The following TRIM27 variants were observed in gnomAD, a reference collection of about 807,000 sequenced individuals.
TRIM27 encodes the protein tripartite motif containing 27, also known as zinc finger protein RFP.
TRIM27 carries 12 observed loss-of-function variants against 57.6 expected under a neutral mutation model. The ratio of observed to expected loss-of-function variants is 0.21; its 90% confidence interval spans 0.13 to 0.34. The LOEUF (loss-of-function observed/expected upper bound fraction) is 0.34, where lower values mean the gene tolerates loss of function less well. Among genes scored for constraint, TRIM27 ranks in the 10% least tolerant of loss-of-function variants. The pLI is 1.00. For synonymous variants in TRIM27, 266 were observed against 259.0 expected (o/e 1.03, Z -0.26); for missense variants, 403 against 656.8 (o/e 0.61, Z 4.22).
rs577993208 is a variant in TRIM27, at chr6:28,909,600, C to T, written c.771-512G>A. On this transcript the variant is annotated intron_variant, in intron 4 of 7. Coordinates refer to ENST00000377199, the MANE Select transcript of TRIM27 (RefSeq NM_006510.5). Reference sequence around the variant, plus strand: ...CTCATACCCCCCAAAGCACCTAGCTCACAGCTTTTCAAATACTAAGTACTC... The same window carrying T: ...CTCATACCCCCCAAAGCACCTAGCTTACAGCTTTTCAAATACTAAGTACTC... Among the ~76,000 whole-genome samples, 5 of 152,322 alleles carry T rather than the reference C, an allele frequency of 3.3e-5. No homozygotes were observed. In the East Asian group the frequency reaches 9.6e-4, roughly 29 times the overall value.
Position 28,909,016 on chromosome 6 carries a change from G to T in TRIM27, c.843C>A (p.Ala281=). The T allele has an allele frequency of 6.2e-7, 1 of 1,613,884 alleles. No individual in the cohort carries two copies. Among genetic ancestry groups the T allele is most frequent in the South Asian group, 1.1e-5 (1 of 91,050 alleles). The change falls in exon 5 of 8, where the codon GCC becomes GCA. Residue 281 remains alanine, a synonymous_variant. Transcript: ENST00000377199. ...PDLQEKIHIF[A]QKCLFLTESL... is the part of the protein sequence containing the mutation. The stretch of plus-strand genomic sequence containing the variant: ...TCTCCGTCAAGAATAGACATTTTTG[G>T]GCAAAAATGTGGATTTTCTCTTGCA...
intron 3 of TRIM27, chr6:28,914,956 G>A (rs1773494004): frequency 6.6e-6 from 1 of 151,624 alleles, no homozygotes; most frequent in Admixed American, 6.6e-5. Flanking sequence ...CTGCTATCTG[G>A]CATATGAAGG....
At chr6:28,914,463 A>G (rs1773452615) in intron 3 of TRIM27, among the ~76,000 whole-genome samples, 1 of 150,982 alleles carries the variant, frequency 6.6e-6, no homozygotes, top group South Asian at 2.1e-4. Flanking sequence ...ACATAATAAT[A>G]TGTGCTTATT....
At position 28,923,868 on chromosome 6, in the gene TRIM27, G is replaced by A. The variant is rs1774269613; in HGVS notation, c.-236C>T. The A allele has an allele frequency of 3.9e-6, 2 of 514,406 alleles. No individual in the cohort carries two copies. Among genetic ancestry groups the A allele is most frequent in the Non-Finnish European group, 6.8e-6 (2 of 295,642 alleles). 31.9% of individuals were successfully genotyped at this position (514,406 alleles called of 1,614,324 possible). A position where few individuals can be genotyped will look rare whatever the true frequency, so the allele number is the denominator to read the frequency against. On this transcript the variant is annotated 5_prime_UTR_variant, in exon 1 of 8. Transcript: ENST00000377199. Reference sequence around the variant, plus strand: ...AGCGGGAATACGGCCGGCTCACCGAGGCTCGCGGCCACGCTAGTGGGGCAG... The same window carrying A: ...AGCGGGAATACGGCCGGCTCACCGAAGCTCGCGGCCACGCTAGTGGGGCAG...
intron 4 of TRIM27, among the ~76,000 whole-genome samples, chr6:28,910,310 C>A (rs1231840444): frequency 6.7e-6 from 1 of 148,454 alleles, no homozygotes; most frequent in Non-Finnish European, 1.5e-5. Context: ...TAGCCACAGA[C>A]TACCTACCTG....
Position 28,923,560 on chromosome 6 carries a change from C to G in TRIM27, c.73G>C (p.Glu25Gln). 6.2e-7 allele frequency: 1 copy of G among 1,610,686 alleles called. No homozygotes were observed. Among genetic ancestry groups the G allele is most frequent in the Non-Finnish European group, 8.5e-7 (1 of 1,179,042 alleles). The change falls in exon 1 of 8, where the codon GAG becomes CAG. Residue 25 changes from glutamate to glutamine, a missense_variant. Coordinates refer to ENST00000377199, the MANE Select transcript of TRIM27 (RefSeq NM_006510.5). ...TGGCCGCAGTCGAGCATCATGGGCT[C>G]TGCGAAGTACTGCAGGCACACGGGG... is the stretch of plus-strand genomic sequence containing the variant. The part of the protein sequence containing the change: ...TCPVCLQYFA[E>Q]PMMLDCGHNI...
chr6:28,904,643 G>A lies in TRIM27; in HGVS notation c.969C>T (p.Asp323=). The change falls in exon 8 of 8, where the codon GAC becomes GAT. Residue 323 remains aspartate, a synonymous_variant. Coordinates refer to ENST00000377199, the MANE Select transcript of TRIM27 (RefSeq NM_006510.5). This position sits in a 1 kb window ranked among gnomAD's most constrained non-coding sequence, Gnocchi z 6.1. ...LYSVDVTLDP[D]TAYPSLILSD... ...AGAGGATCAGGCTGGGGTAGGCCGT[G>A]TCTGGGTCCAGAGTCACGTCCACTG... 1.3e-6 allele frequency: 2 copies of A among 1,598,836 alleles called. No individual in the cohort carries two copies. The highest frequency in any genetic ancestry group is 1.7e-6 in the Non-Finnish European group (2 of 1,179,620).
At chr6:28,909,302 TC>T (rs1193900381) in intron 4 of TRIM27, among the ~76,000 whole-genome samples, 2 of 152,164 alleles carry the variant, frequency 1.3e-5, no homozygotes, top group African/African-American at 4.8e-5. Context: ...AGATGGGGTT[TC>T]TCCATACTGG....
At position 28,920,194 on chromosome 6, in the gene TRIM27, G is replaced by T; in HGVS notation, c.565C>A (p.Leu189Met). The change falls in exon 3 of 8, where the codon CTG (leucine) becomes ATG (methionine). Residue 189 changes from leucine to methionine, a missense_variant. By Grantham distance (15) the Leu-to-Met change is conservative. Transcript: ENST00000377199. ...TCATGCTCCTTTAAGGAGTGATACA[G>T]CTGCTCAAACTCCCAAACAATCTTC... ...REKIVWEFEQ[L>M]YHSLKEHEYR... The T allele has an allele frequency of 6.2e-7, 1 of 1,613,648 alleles. No homozygotes were observed. Among genetic ancestry groups the T allele is most frequent in the Non-Finnish European group, 8.5e-7 (1 of 1,179,610 alleles).
In TRIM27 at chr6:28,923,081, CAG is replaced by C. The variant is rs1774171059; in HGVS notation, c.420+130_420+131del. On this transcript the variant is annotated intron_variant, in intron 1 of 7. Coordinates refer to ENST00000377199, the MANE Select transcript of TRIM27 (RefSeq NM_006510.5). ...CTGAGTGCTGAGGCTCTGGAGCGGA[CAG>C]AGAGGAAATGACGGCTGTGAACCAC... is the stretch of plus-strand genomic sequence containing the variant. 6.4e-6 allele frequency: 7 copies of C among 1,094,152 alleles called. No homozygotes were observed. The East Asian group carries it at 7.8e-5, about 12-fold the overall frequency. 67.8% of individuals were successfully genotyped at this position (1,094,152 alleles called of 1,614,324 possible).
chr6:28,923,403 A>G lies in TRIM27; in HGVS notation c.230T>C (p.Leu77Pro). ...PNRHLANVTQ[L>P]VKQLRTERPS... ...CCGCTCGGTGCGCAGCTGCTTTACC[A>G]GTTGGGTCACGTTGGCCAGGTGCCG... The change falls in exon 1 of 8, where the codon CTG becomes CCG. Residue 77 changes from leucine to proline, a missense_variant. Leu to Pro is a moderately conservative substitution (Grantham distance 98). Coordinates refer to ENST00000377199, the MANE Select transcript of TRIM27 (RefSeq NM_006510.5). 1 of 1,612,134 alleles carries G rather than the reference A, an allele frequency of 6.2e-7. No homozygotes were observed. Among genetic ancestry groups the G allele is most frequent in the Non-Finnish European group, 8.5e-7 (1 of 1,179,514 alleles).
At chr6:28,921,858 A>G (rs1481360504) in intron 2 of TRIM27, 34 bp downstream of exon 2, 1 of 1,542,268 alleles carries the variant, frequency 6.5e-7, no homozygotes, top group East Asian at 2.2e-5. Context: ...GGAGAGCACC[A>G]GCAGAACCAA....
rs1393554903 is a variant in TRIM27, at chr6:28,903,567, T to A, written c.*503A>T. 1 of 237,460 alleles carries A rather than the reference T, an allele frequency of 4.2e-6. No homozygotes were observed. Among genetic ancestry groups the A allele is most frequent in the Non-Finnish European group, 8.3e-6 (1 of 121,120 alleles). 14.7% of individuals were successfully genotyped at this position (237,460 alleles called of 1,614,324 possible). ...TGGAGTTAATAAAACTATGGCACAT[T>A]GGGAATCAGGGGCAGAGGTACTGTT... On this transcript the variant is annotated 3_prime_UTR_variant, in exon 8 of 8. Coordinates refer to ENST00000377199, the MANE Select transcript of TRIM27 (RefSeq NM_006510.5).
In TRIM27 at chr6:28,910,763, A is replaced by G. The variant is rs543942169; in HGVS notation, c.770+933T>C. Among the ~76,000 whole-genome samples the G allele has an allele frequency of 3.3e-5, 5 of 152,338 alleles. No individual in the cohort carries two copies. In the East Asian group the frequency reaches 9.6e-4, roughly 29 times the overall value. On this transcript the variant is annotated intron_variant, in intron 4 of 7. Transcript: ENST00000377199. ...CAGCTAACTCTGTATGTTAGGTCACAGCTAGACTGGCATCATAAAGTATCA... is the reference window on the plus strand; with the variant it reads ...CAGCTAACTCTGTATGTTAGGTCACGGCTAGACTGGCATCATAAAGTATCA...
At chr6:28,906,395 A>T (rs1772772930) in intron 7 of TRIM27, 1 of 152,090 alleles carries the variant, frequency 6.6e-6, no homozygotes, top group Admixed American at 6.6e-5. Context: ...AGAACCCCAG[A>T]ACCCTTGGCT....
intron 3 of TRIM27, among the ~76,000 whole-genome samples, chr6:28,918,436 C>T (rs1719312643): frequency 6.6e-6 from 1 of 152,034 alleles, no homozygotes; most frequent in Admixed American, 6.6e-5. Context: ...CAATGATGGT[C>T]ATGTTATTGA....
At chr6:28,914,090 T>C (rs1321547783) in intron 3 of TRIM27, among the ~76,000 whole-genome samples, 1 of 149,020 alleles carries the variant, frequency 6.7e-6, no homozygotes, top group Non-Finnish European at 1.5e-5. Flanking sequence ...GGTGCAATCA[T>C]AGCTCACTGC....
At chr6:28,911,204 C>T (rs1412612736) in intron 4 of TRIM27, 1 of 122,310 alleles carries the variant, frequency 8.2e-6, no homozygotes, top group African/African-American at 3.8e-5. Context: ...GGAGTTCTTC[C>T]TCACTTTTTT....
chr6:28,908,754 G>A (rs764538715), intron 6 of TRIM27, 54 bp downstream of exon 6: 156 of 1,576,376 alleles, frequency 9.9e-5, no homozygotes, highest in Non-Finnish European at 1.3e-4. Context: ...CAGTGCAGAT[G>A]TTCTTTTTTC....
Sources: allele counts gnomAD v4.1 joint callset (sites outside exome capture counted in the v4.1 genomes callset), GRCh38; gene constraint gnomAD v4.1.1; non-coding constraint Gnocchi (gnomAD v3.1); transcripts MANE v1.5; gene names NCBI Gene and HGNC (gene_info 2026-07-23, HGNC 2026-07-21).